Variants in PTN observed in about 807,000 individuals in gnomAD.
PTN encodes pleiotrophin, also known as heparin affin regulatory protein.
In PTN, 18 loss-of-function variants were observed where a neutral mutation model predicts 24.1. The observed-to-expected ratio is 0.75, with a 90% CI of 0.52 to 1.11. PTN has a LOEUF of 1.11. Among genes scored for constraint, PTN ranks in the 50% least tolerant of loss-of-function variants. The pLI is 0.00. For missense variants in PTN, 163 were observed against 198.8 expected, an observed-to-expected ratio of 0.82 and a Z score of 1.08; for synonymous variants, 78 against 68.6, an observed-to-expected ratio of 1.14 and a Z score of -0.67.
At chr7:137,247,278 A>G (rs1369774050) in intron 4 of PTN, among the ~76,000 whole-genome samples, 1 of 152,208 alleles carries the variant, frequency 6.6e-6, no homozygotes, top group Non-Finnish European at 1.5e-5. Flanking sequence ...GTGGCCATCA[A>G]CGGATGAACA....
At chr7:137,342,505 T>C (rs1810550334) in intron 1 of PTN, among the ~76,000 whole-genome samples, 1 of 144,268 alleles carries the variant, frequency 6.9e-6, no homozygotes, top group South Asian at 2.4e-4. Flanking sequence ...CTAGAGTGTA[T>C]ATAAACTGCA....
At chr7:137,319,036 A>T (rs1810120050) in intron 1 of PTN, among the ~76,000 whole-genome samples, 1 of 151,932 alleles carries the variant, frequency 6.6e-6, no homozygotes, top group Admixed American at 6.6e-5. Context: ...CTTTCTCTCT[A>T]CTTTTGTCCA....
At chr7:137,279,825 G>A (rs1809436280) in intron 1 of PTN, among the ~76,000 whole-genome samples, 1 of 152,190 alleles carries the variant, frequency 6.6e-6, no homozygotes, top group Admixed American at 6.5e-5. Flanking sequence ...AGTGAGTGGA[G>A]GTTGATGAGG....
At position 137,227,837 on chromosome 7, in the gene PTN, T is replaced by TACTG. The variant is rs1808359518; in HGVS notation, c.*179_*182dup. ...ATTACAGTCCTTTATTATAAGCCCCTACTGGTACTATAGTATACATTTAAA... is the reference window on the plus strand; with the variant it reads ...ATTACAGTCCTTTATTATAAGCCCCTACTGACTGGTACTATAGTATACATTTAAA... On this transcript the variant is annotated 3_prime_UTR_variant, in exon 5 of 5. Coordinates refer to ENST00000348225, the MANE Select transcript of PTN (RefSeq NM_002825.7). 1 of 481,476 alleles carries TACTG rather than the reference T, an allele frequency of 2.1e-6. No homozygotes were observed. The highest frequency in any genetic ancestry group is 2.0e-5 in the African/African-American group (1 of 49,746). The allele number at this position is 481,476 out of a possible 1,614,324, so 29.8% of individuals were successfully genotyped here. A position where few individuals can be genotyped will look rare whatever the true frequency, so the allele number is the denominator to read the frequency against.
intron 4 of PTN, among the ~76,000 whole-genome samples, chr7:137,234,421 G>A (rs182347478): frequency 5.7e-4 from 86 of 152,100 alleles, no homozygotes; most frequent in African/African-American, 2.0e-3. Context: ...TTTTTGAAAG[G>A]AAGTAGTAAT....
At chr7:137,335,384 A>G (rs1372902274) in intron 1 of PTN, among the ~76,000 whole-genome samples, 1 of 152,164 alleles carries the variant, frequency 6.6e-6, no homozygotes, top group Non-Finnish European at 1.5e-5. Context: ...TGAAGTCAAT[A>G]GCAAATCAGG....
At chr7:137,232,543 G>C (rs1003579489) in intron 4 of PTN, among the ~76,000 whole-genome samples, 9 of 151,928 alleles carry the variant, frequency 5.9e-5, no homozygotes, top group Non-Finnish European at 1.2e-4. Context: ...AAGTACTCTA[G>C]AAAGGATTCA....
At chr7:137,290,212 C>T (rs1020611299) in intron 1 of PTN, among the ~76,000 whole-genome samples, 16 of 152,074 alleles carry the variant, frequency 1.1e-4, no homozygotes, top group Non-Finnish European at 1.9e-4. Flanking sequence ...AAGACCTGCC[C>T]CCATGATTGA....
At chr7:137,320,253 C>T (rs548255905) in intron 1 of PTN, among the ~76,000 whole-genome samples, 15 of 152,352 alleles carry the variant, frequency 9.8e-5, no homozygotes, top group Non-Finnish European at 2.1e-4. Flanking sequence ...ACTGTCTCTT[C>T]CCAATGCTCA....
intron 4 of PTN, among the ~76,000 whole-genome samples, chr7:137,233,791 G>A (rs1278296200): frequency 6.6e-6 from 1 of 151,566 alleles, no homozygotes; most frequent in Non-Finnish European, 1.5e-5. Flanking sequence ...TGAAGGAAAA[G>A]GAGGGTTTCT....
intron 1 of PTN, among the ~76,000 whole-genome samples, chr7:137,294,860 T>A (rs2128877705): frequency 6.6e-6 from 1 of 152,320 alleles, no homozygotes; most frequent in East Asian, 1.9e-4. Flanking sequence ...ATATCACTGC[T>A]GTTTTGCTTT....
chr7:137,228,422 T>C (rs2128866688), intron 4 of PTN, among the ~76,000 whole-genome samples: 1 of 151,872 alleles, frequency 6.6e-6, no homozygotes, highest in East Asian at 1.9e-4. Context: ...AAAATAGAAA[T>C]ACAGCAGACA....
chr7:137,232,252 T>C (rs770240539), intron 4 of PTN, among the ~76,000 whole-genome samples: 2 of 152,002 alleles, frequency 1.3e-5, no homozygotes, highest in Non-Finnish European at 2.9e-5. Context: ...GGCACCTGCC[T>C]GAAAGGTGAC....
chr7:137,270,852 G>A (rs888481578), intron 1 of PTN, among the ~76,000 whole-genome samples: 3 of 152,210 alleles, frequency 2.0e-5, no homozygotes, highest in East Asian at 1.9e-4. Context: ...GACTATTTAG[G>A]TAGGGGGTTA....
In PTN at chr7:137,251,281, T is replaced by A; in HGVS notation, c.400A>T (p.Thr134Ser). The A allele has an allele frequency of 6.2e-7, 1 of 1,614,098 alleles. No individual in the cohort carries two copies. The part of the protein sequence containing the change: ...RALHNAECQK[T>S]VTISKPCGKL... ...CCACAGGGCTTGGAGATGGTGACAG[T>A]CTTCTGGCATTCGGCATTGTGCAGG... Residue 134 changes from threonine (T) to serine (S), a missense_variant, in exon 4 of 5, where the codon ACT becomes TCT. Physicochemically the swap from Thr to Ser is moderately conservative, Grantham distance 58. Transcript: ENST00000348225.
intron 1 of PTN, among the ~76,000 whole-genome samples, chr7:137,325,049 C>G (rs1169972244): frequency 6.6e-6 from 1 of 152,056 alleles, no homozygotes; most frequent in Non-Finnish European, 1.5e-5. Flanking sequence ...TCAAAGGAAA[C>G]AGATAAGGCA....
chr7:137,258,986 C>T (rs1808984796), intron 1 of PTN, among the ~76,000 whole-genome samples: 1 of 152,052 alleles, frequency 6.6e-6, no homozygotes, highest in Non-Finnish European at 1.5e-5. Flanking sequence ...TTACTTGTTT[C>T]TCACCCCCTT....
intron 2 of PTN, 55 bp from the exon 3 acceptor site, chr7:137,253,692 A>T (rs900309698): frequency 2.2e-6 from 3 of 1,379,692 alleles, no homozygotes; most frequent in Middle Eastern, 2.6e-4. Context: ...TAACTTCCAG[A>T]TATAACCAAG....
chr7:137,300,622 T>C (rs537634896), intron 1 of PTN, among the ~76,000 whole-genome samples: 2 of 152,014 alleles, frequency 1.3e-5, no homozygotes, highest in Admixed American at 1.3e-4. Flanking sequence ...TTAGCTAATT[T>C]GATAGCAGAG....
Sources: gnomAD v4.1 joint callset for allele counts (sites outside exome capture counted in the v4.1 genomes callset) on GRCh38, gnomAD v4.1.1 for gene constraint, MANE v1.5 for transcripts, NCBI Gene and HGNC (gene_info 2026-07-23, HGNC 2026-07-21) for gene names.